The following ARSB variants were observed in gnomAD, a reference collection of about 807,000 sequenced individuals.
The protein encoded by ARSB is N-acetylgalactosamine-4-sulfatase.
ARSB carries 41 observed loss-of-function variants against 50.9 expected under a neutral mutation model. The ratio of observed to expected loss-of-function variants is 0.81; its 90% CI spans 0.63 to 1.04. The LOEUF (loss-of-function observed/expected upper bound fraction) is 1.04. Among genes scored for constraint, ARSB ranks in the 50% least tolerant of loss-of-function variants. ARSB has a pLI of 0.00. For synonymous variants in ARSB, 269 were observed against 284.8 expected, an observed-to-expected ratio of 0.94 and a Z score of 0.56; for missense variants, 672 against 693.3, an observed-to-expected ratio of 0.97 and a Z score of 0.35.
chr5:78,916,239 A>T (rs1749538641), intron 4 of ARSB, among the ~76,000 whole-genome samples: 1 of 152,182 alleles, frequency 6.6e-6, no homozygotes. Flanking sequence ...TGCAAGTTCT[A>T]AGGCAAGATA....
At position 78,885,703 on chromosome 5, in the gene ARSB, G is replaced by A. The variant is rs769067669; in HGVS notation, c.1023C>T (p.Gly341=). Residue 341 remains glycine, a synonymous_variant, in exon 5 of 8, where the codon GGC becomes GGT. Coordinates refer to ENST00000264914, the MANE Select transcript of ARSB (RefSeq NM_000046.5). ...FVASPLLKQK[G]VKNRELIHIS... ...TGTGGATGAGCTCCCGGTTCTTCAC[G>A]CCCTTCTGCTTCAGCAAGGGGCTTG... 3.5e-5 allele frequency: 56 copies of A among 1,613,874 alleles called. No individual in the cohort carries two copies. Among genetic ancestry groups the A allele is most frequent in the South Asian group, 1.5e-4 (14 of 91,078 alleles).
At chr5:78,915,484 C>T (rs995836477) in intron 4 of ARSB, among the ~76,000 whole-genome samples, 1 of 152,016 alleles carries the variant, frequency 6.6e-6, no homozygotes, top group African/African-American at 2.4e-5. Context: ...GTCCTACAGG[C>T]AATAATGAGA....
At chr5:78,865,756 C>T (rs970140652) in intron 5 of ARSB, among the ~76,000 whole-genome samples, 4 of 152,158 alleles carry the variant, frequency 2.6e-5, no homozygotes, top group Non-Finnish European at 5.9e-5. Flanking sequence ...ATTTCCTCTG[C>T]CAGATACCCT....
chr5:78,905,344 G>GTTTTTTT (rs60622885), intron 4 of ARSB, among the ~76,000 whole-genome samples: 6,136 of 130,368 alleles, frequency 0.047, 426 homozygotes, highest in African/African-American at 0.11. Context: ...GTATTTTCCT[G>GTTTTTTT]TTTTTTTTTT....
At chr5:78,952,122 C>T (rs928611085) in intron 4 of ARSB, among the ~76,000 whole-genome samples, 6 of 152,016 alleles carry the variant, frequency 3.9e-5, no homozygotes, top group Admixed American at 2.6e-4. Context: ...TAAGGTGATC[C>T]TCATTTTCTC....
intron 4 of ARSB, among the ~76,000 whole-genome samples, chr5:78,930,866 C>T (rs1161192772): frequency 3.3e-5 from 5 of 152,230 alleles, no homozygotes; most frequent in Admixed American, 6.5e-5. Context: ...CCAAGCACAG[C>T]GGGGTGGTCC....
intron 6 of ARSB, among the ~76,000 whole-genome samples, chr5:78,822,378 A>T (rs1260650314): frequency 6.6e-6 from 1 of 152,008 alleles, no homozygotes; most frequent in East Asian, 1.9e-4. Flanking sequence ...AACATCCAAC[A>T]ATTAACTACA....
chr5:78,860,662 A>G (rs981861245), intron 5 of ARSB, among the ~76,000 whole-genome samples: 26 of 152,248 alleles, frequency 1.7e-4, no homozygotes, highest in Admixed American at 1.3e-4. Context: ...AAAGCAGGAA[A>G]GATCTAAAAC....
At chr5:78,866,848 C>T (rs1021252855) in intron 5 of ARSB, among the ~76,000 whole-genome samples, 18 of 152,232 alleles carry the variant, frequency 1.2e-4, no homozygotes, top group African/African-American at 3.1e-4. Context: ...TTCCGGTCTA[C>T]GGCTCCCAGC....
chr5:78,964,612 A>C lies in ARSB; in HGVS notation c.500-6T>G. ...TTCACTACCCAGGAGATATCCTGCA[A>C]GAATGGAAGACGAAAATAGTCAGCA... On this transcript the variant is annotated splice_region_variant and splice_polypyrimidine_tract_variant and intron_variant, in intron 2 of 7. Transcript: ENST00000264914. The C allele has an allele frequency of 6.2e-7, 1 of 1,612,476 alleles. No homozygotes were observed. The highest frequency in any genetic ancestry group is 8.5e-7 in the Non-Finnish European group (1 of 1,179,632).
At chr5:78,949,933 A>G (rs1341804135) in intron 4 of ARSB, among the ~76,000 whole-genome samples, 1 of 152,166 alleles carries the variant, frequency 6.6e-6, no homozygotes, top group Non-Finnish European at 1.5e-5. Flanking sequence ...CAAACAAAAA[A>G]AAGAGTTAAT....
chr5:78,819,662 G>T (rs1454617271), intron 6 of ARSB, among the ~76,000 whole-genome samples: 2 of 152,222 alleles, frequency 1.3e-5, no homozygotes, highest in African/African-American at 4.8e-5. Flanking sequence ...GGTCTCCAGG[G>T]CTGGGACCTT....
chr5:78,782,491 A>G (rs988610699), intron 6 of ARSB, among the ~76,000 whole-genome samples: 7 of 152,262 alleles, frequency 4.6e-5, no homozygotes, highest in Non-Finnish European at 8.8e-5. Context: ...AGCAGTGCTC[A>G]GTTAACTATT....
At chr5:78,948,090 A>T (rs1486140886) in intron 4 of ARSB, among the ~76,000 whole-genome samples, 1 of 152,124 alleles carries the variant, frequency 6.6e-6, no homozygotes, top group Non-Finnish European at 1.5e-5. Flanking sequence ...AAAACAATAG[A>T]ACTCATAGAG....
chr5:78,848,501 T>G (rs1203030314), intron 5 of ARSB, among the ~76,000 whole-genome samples: 1 of 151,462 alleles, frequency 6.6e-6, no homozygotes, highest in Non-Finnish European at 1.5e-5. Context: ...TCTTTGCTAT[T>G]GTGAATAGTG....
At chr5:78,807,336 G>A (rs1450501027) in intron 6 of ARSB, among the ~76,000 whole-genome samples, 1 of 152,200 alleles carries the variant, frequency 6.6e-6, no homozygotes, top group Non-Finnish European at 1.5e-5. Flanking sequence ...TTGGCTTCCA[G>A]GTTGATTTAG....
chr5:78,798,697 C>G (rs1743268609), intron 6 of ARSB, among the ~76,000 whole-genome samples: 1 of 152,226 alleles, frequency 6.6e-6, no homozygotes, highest in Admixed American at 6.5e-5. Context: ...GGAAAAAGGG[C>G]CCTGCCCACG....
chr5:78,857,398 G>C lies in ARSB; in HGVS notation c.1143-17972C>G, dbSNP rs369143486. Reference sequence around the variant, plus strand: ...TTTTCCTTATTTTTTGGTTTTGGTAGATGCTATAGTTTAGCTGCATGAGCT... The same window carrying C: ...TTTTCCTTATTTTTTGGTTTTGGTACATGCTATAGTTTAGCTGCATGAGCT... On this transcript the variant is annotated intron_variant, in intron 5 of 7. Transcript: ENST00000264914. Among the ~76,000 whole-genome samples the C allele has an allele frequency of 9.2e-5, 14 of 152,282 alleles. No individual in the cohort carries two copies. The South Asian group carries it at 2.5e-3, about 27-fold the overall frequency.
At chr5:78,864,971 C>G (rs567088557) in intron 5 of ARSB, among the ~76,000 whole-genome samples, 148 of 152,316 alleles carry the variant, frequency 9.7e-4, no homozygotes, top group African/African-American at 3.4e-3. Context: ...TGTGGCTTTG[C>G]AGGGTACAAC....
Sources: gnomAD v4.1 joint callset for allele counts (sites outside exome capture counted in the v4.1 genomes callset) on GRCh38, gnomAD v4.1.1 for gene constraint, MANE v1.5 for transcripts, NCBI Gene and HGNC (gene_info 2026-07-23, HGNC 2026-07-21) for gene names.